GYPC: variants seen among roughly 807,000 people sequenced by gnomAD.
GYPC encodes the protein glycophorin-C.
GYPC carries 14 observed loss-of-function variants against 12.6 expected under a neutral mutation model. The observed-to-expected ratio is 1.11, with a 90% CI of 0.74 to 1.74. The LOEUF (loss-of-function observed/expected upper bound fraction) is 1.74. Among genes scored for constraint, GYPC ranks in the 40% most tolerant of loss-of-function variants. The pLI, the probability that GYPC is intolerant of heterozygous loss-of-function variation, is 0.00. For missense variants in GYPC, 225 were observed against 172.1 expected, an observed-to-expected ratio of 1.31 and a Z score of -1.72; for synonymous variants, 78 against 62.1, an observed-to-expected ratio of 1.26 and a Z score of -1.20.
chr2:126,679,179 C>T (rs1013693949), intron 1 of GYPC, among the ~76,000 whole-genome samples: 3 of 152,200 alleles, frequency 2.0e-5, no homozygotes, highest in African/African-American at 7.2e-5. Flanking sequence ...CCTCGAAGGG[C>T]ACCCAAATGT....
At chr2:126,692,310 C>T (rs1269194413) in intron 2 of GYPC, among the ~76,000 whole-genome samples, 1 of 152,100 alleles carries the variant, frequency 6.6e-6, no homozygotes, top group Non-Finnish European at 1.5e-5. Flanking sequence ...CCAGACACCC[C>T]TAGCTTGGCC....
At chr2:126,691,173 C>G (rs1486715093) in intron 2 of GYPC, among the ~76,000 whole-genome samples, 1 of 152,198 alleles carries the variant, frequency 6.6e-6, no homozygotes, top group African/African-American at 2.4e-5. Context: ...TATTCTTCAG[C>G]AGTCCCTCCC....
chr2:126,657,108 G>A (rs1221169317), intron 1 of GYPC, among the ~76,000 whole-genome samples: 1 of 152,228 alleles, frequency 6.6e-6, no homozygotes, highest in Admixed American at 6.5e-5. Flanking sequence ...ATGTGACAAT[G>A]ATACCTTATT....
intron 3 of GYPC, among the ~76,000 whole-genome samples, chr2:126,695,003 C>T (rs529651582): frequency 7.9e-5 from 12 of 152,294 alleles, no homozygotes; most frequent in African/African-American, 1.9e-4. Context: ...ACCTTGGCAT[C>T]CTCTGCATTA....
intron 2 of GYPC, among the ~76,000 whole-genome samples, chr2:126,692,598 C>T (rs1683504971): frequency 1.3e-5 from 2 of 152,192 alleles, no homozygotes; most frequent in African/African-American, 4.8e-5. Context: ...TCCTTCTTCA[C>T]AATCATCTCC....
Position 126,693,947 on chromosome 2 carries a change from G to A in GYPC, c.190G>A (p.Gly64Ser). Reference protein sequence around the residue: ...PTIMDIVVIAGVIAAVAIVLV... With the variant: ...PTIMDIVVIASVIAAVAIVLV... ...CATAATGGACATTGTCGTCATTGCA[G>A]GTGAGCTCTCATCACAGAGCCCTTC... Residue 64 changes from glycine to serine, a missense_variant and splice_region_variant, in exon 3 of 4, where the codon GGT becomes AGT. Coordinates refer to ENST00000259254, the MANE Select transcript of GYPC (RefSeq NM_002101.5). The A allele has an allele frequency of 6.3e-7, 1 of 1,599,852 alleles. No homozygotes were observed. Among genetic ancestry groups the A allele is most frequent in the South Asian group, 1.1e-5 (1 of 90,818 alleles).
At chr2:126,674,813 T>G (rs1329770624) in intron 1 of GYPC, among the ~76,000 whole-genome samples, 2 of 152,204 alleles carry the variant, frequency 1.3e-5, no homozygotes, top group Non-Finnish European at 2.9e-5. Context: ...ACACACCCTG[T>G]TTGAGACAGC....
At chr2:126,684,335 G>A (rs746830102) in intron 1 of GYPC, among the ~76,000 whole-genome samples, 2 of 152,118 alleles carry the variant, frequency 1.3e-5, no homozygotes, top group Non-Finnish European at 1.5e-5. Flanking sequence ...TGAGAGTGAC[G>A]GCAGATTGAA....
intron 3 of GYPC, among the ~76,000 whole-genome samples, chr2:126,694,662 G>A (rs1256009212): frequency 6.6e-6 from 1 of 152,154 alleles, no homozygotes; most frequent in Admixed American, 6.5e-5. Flanking sequence ...TTAACATTAT[G>A]CAGATACAAG....
At chr2:126,694,131 T>C (rs1465302874) in intron 3 of GYPC, among the ~76,000 whole-genome samples, 184 bp downstream of exon 3, 1 of 152,130 alleles carries the variant, frequency 6.6e-6, no homozygotes, top group African/African-American at 2.4e-5. Flanking sequence ...TATACATGCA[T>C]ACATCGTACG....
At chr2:126,668,900 T>A (rs1243368727) in intron 1 of GYPC, among the ~76,000 whole-genome samples, 3 of 152,220 alleles carry the variant, frequency 2.0e-5, no homozygotes, top group Non-Finnish European at 2.9e-5. Flanking sequence ...CCAGTCTTCC[T>A]GGTGAGAAAT....
At chr2:126,695,616 T>C (rs775688579) in intron 3 of GYPC, among the ~76,000 whole-genome samples, 4 of 152,206 alleles carry the variant, frequency 2.6e-5, no homozygotes, top group Admixed American at 6.5e-5. Context: ...TGGCAATATA[T>C]AGTATGATAC....
At chr2:126,678,034 A>T (rs904953695) in intron 1 of GYPC, among the ~76,000 whole-genome samples, 2 of 152,204 alleles carry the variant, frequency 1.3e-5, no homozygotes, top group African/African-American at 4.8e-5. Flanking sequence ...ATCCTGGCTA[A>T]CACGGTGAAA....
At chr2:126,686,721 G>C in intron 1 of GYPC, 1 of 984,692 alleles carries the variant, frequency 1.0e-6, no homozygotes, top group Non-Finnish European at 1.2e-6. Context: ...GGATGCTTGG[G>C]TCTTTCCAAA....
At chr2:126,687,303 C>T (rs1230496523) in intron 1 of GYPC, among the ~76,000 whole-genome samples, 4 of 152,204 alleles carry the variant, frequency 2.6e-5, no homozygotes, top group African/African-American at 7.2e-5. Context: ...CCAGCACTTC[C>T]CAGCCTACAG....
At chr2:126,676,514 T>C (rs1682999014) in intron 1 of GYPC, among the ~76,000 whole-genome samples, 1 of 152,242 alleles carries the variant, frequency 6.6e-6, no homozygotes, top group African/African-American at 2.4e-5. Flanking sequence ...TATCACTTTC[T>C]ATGAAAGAAG....
At chr2:126,660,203 A>G (rs1573554219) in intron 1 of GYPC, among the ~76,000 whole-genome samples, 1 of 151,740 alleles carries the variant, frequency 6.6e-6, no homozygotes, top group Admixed American at 6.6e-5. Context: ...GACACTCAGG[A>G]CCCGCCTGCC....
chr2:126,681,104 C>G (rs1683138729), intron 1 of GYPC, among the ~76,000 whole-genome samples: 1 of 152,206 alleles, frequency 6.6e-6, no homozygotes, highest in African/African-American at 2.4e-5. Context: ...AAAATACAGA[C>G]AGCCATATGT....
chr2:126,656,758 C>T (rs1682371787), intron 1 of GYPC, among the ~76,000 whole-genome samples: 1 of 152,246 alleles, frequency 6.6e-6, no homozygotes, highest in South Asian at 2.1e-4. Flanking sequence ...TCCAGCCTTG[C>T]CCAGGGACTT....
Sources: allele counts gnomAD v4.1 joint callset (sites outside exome capture counted in the v4.1 genomes callset), GRCh38; gene constraint gnomAD v4.1.1; transcripts MANE v1.5; gene names NCBI Gene and HGNC (gene_info 2026-07-23, HGNC 2026-07-21).